The following CADPS2 variants were observed in gnomAD, a reference collection of about 807,000 sequenced individuals.
CADPS2 encodes the protein calcium dependent secretion activator 2, also known as calcium-dependent secretion activator 2.
In CADPS2, 93 loss-of-function variants were observed where a neutral mutation model predicts 172.5. That is an observed-to-expected ratio of 0.54 (90% confidence interval 0.46 to 0.64). The LOEUF (loss-of-function observed/expected upper bound fraction) is 0.64. Among genes scored for constraint, CADPS2 ranks in the 30% least tolerant of loss-of-function variants. The pLI, the probability that CADPS2 is intolerant of heterozygous loss-of-function variation, is 0.00. For missense variants in CADPS2, 1,420 were observed against 1,565.9 expected (o/e 0.91, Z 1.57); for synonymous variants, 546 against 555.2 (o/e 0.98, Z 0.23).
At chr7:122,352,452 T>C (rs1330576319) in intron 27 of CADPS2, among the ~76,000 whole-genome samples, 3 of 152,228 alleles carry the variant, frequency 2.0e-5, no homozygotes. Flanking sequence ...GGTGCTAGAA[T>C]TCCAGTGTCT....
intron 1 of CADPS2, among the ~76,000 whole-genome samples, chr7:122,758,010 T>C (rs1163568723): frequency 1.3e-5 from 2 of 152,164 alleles, no homozygotes; most frequent in African/African-American, 2.4e-5. Context: ...AAATGCTAAA[T>C]TTAAGTTTAA....
intron 3 of CADPS2, among the ~76,000 whole-genome samples, chr7:122,654,407 C>A (rs764755140): frequency 2.6e-4 from 40 of 152,214 alleles, no homozygotes; most frequent in Non-Finnish European, 5.0e-4. Flanking sequence ...AAAGGACAGG[C>A]TGACTCTCTT....
intron 24 of CADPS2, among the ~76,000 whole-genome samples, chr7:122,386,506 A>G (rs2043700119): frequency 6.6e-6 from 1 of 152,028 alleles, no homozygotes; most frequent in Non-Finnish European, 1.5e-5. Flanking sequence ...ATAAAATTGT[A>G]CTTCTGAATA....
At chr7:122,428,250 C>G (rs905866706) in intron 17 of CADPS2, among the ~76,000 whole-genome samples, 1 of 151,978 alleles carries the variant, frequency 6.6e-6, no homozygotes, top group Non-Finnish European at 1.5e-5. Context: ...AGCAATAGTA[C>G]GTAAAAATCA....
At chr7:122,774,269 TACACACACAC>T (rs56843003) in intron 1 of CADPS2, among the ~76,000 whole-genome samples, 282 of 143,026 alleles carry the variant, frequency 2.0e-3, no homozygotes, top group South Asian at 5.4e-3. Flanking sequence ...TAGATAGATA[TACACACACAC>T]ACACACACAC....
chr7:122,674,681 T>C (rs550044960), intron 2 of CADPS2, among the ~76,000 whole-genome samples: 4 of 152,334 alleles, frequency 2.6e-5, no homozygotes, highest in African/African-American at 9.6e-5. Context: ...GAACCATGCA[T>C]TACTTCTTTG....
At chr7:122,766,656 G>A (rs1370312325) in intron 1 of CADPS2, among the ~76,000 whole-genome samples, 5 of 152,108 alleles carry the variant, frequency 3.3e-5, no homozygotes, top group Admixed American at 2.6e-4. Context: ...CTAAGAAAAG[G>A]TGTAAGTGTG....
In CADPS2 at chr7:122,409,545, T is replaced by C. The variant is rs2047051545; in HGVS notation, c.2590-1849A>G. On this transcript the variant is annotated intron_variant, in intron 19 of 29. Coordinates refer to ENST00000449022, the MANE Select transcript of CADPS2 (RefSeq NM_017954.11). ...AAAATTTCATTGTTTTGCAGAAGTATATATTTATATCTCAAGTTGTACTCC... is the reference window on the plus strand; with the variant it reads ...AAAATTTCATTGTTTTGCAGAAGTACATATTTATATCTCAAGTTGTACTCC... The C allele has an allele frequency of 7.5e-6, 3 of 402,124 alleles. No individual in the cohort carries two copies. In the East Asian group the frequency reaches 2.3e-4, roughly 31 times the overall value. The allele number at this position is 402,124 out of a possible 1,614,324, so 24.9% of individuals were successfully genotyped here.
intron 1 of CADPS2, among the ~76,000 whole-genome samples, chr7:122,781,879 A>G (rs893783377): frequency 3.3e-5 from 5 of 152,186 alleles, no homozygotes; most frequent in African/African-American, 4.8e-5. Context: ...ACCACGGTGA[A>G]ATATGAAATA....
At chr7:122,580,390 T>C (rs2068640180) in intron 7 of CADPS2, among the ~76,000 whole-genome samples, 1 of 150,818 alleles carries the variant, frequency 6.6e-6, no homozygotes, top group Non-Finnish European at 1.5e-5. Flanking sequence ...AGGAGGTGGG[T>C]TGCAATGAGC....
At chr7:122,858,276 T>C (rs1386912929) in intron 1 of CADPS2, among the ~76,000 whole-genome samples, 2 of 152,208 alleles carry the variant, frequency 1.3e-5, no homozygotes, top group African/African-American at 4.8e-5. Context: ...CTCTCATTAA[T>C]GCTTCAGTGC....
At position 122,529,666 on chromosome 7, in the gene CADPS2, A is replaced by G. The variant is rs181607547; in HGVS notation, c.1476-16351T>C. Among the ~76,000 whole-genome samples, 250 of 152,226 alleles carry G rather than the reference A, an allele frequency of 1.6e-3. 1 individual carries two copies. The highest frequency in any genetic ancestry group is 2.7e-3 in the Non-Finnish European group (182 of 67,952). ...TCCTCCCTGTCTTTTGGATGGCACC[A>G]TCTAAACAGCAGAATTGAAAAGAAA... is the stretch of plus-strand genomic sequence containing the variant. On this transcript the variant is annotated intron_variant, in intron 8 of 29. Coordinates refer to ENST00000449022, the MANE Select transcript of CADPS2 (RefSeq NM_017954.11).
intron 2 of CADPS2, among the ~76,000 whole-genome samples, chr7:122,694,110 G>A (rs1564083261): frequency 6.6e-6 from 1 of 152,218 alleles, no homozygotes; most frequent in Non-Finnish European, 1.5e-5. Flanking sequence ...ATGATTCAGG[G>A]TAGGCAAATG....
intron 25 of CADPS2, among the ~76,000 whole-genome samples, chr7:122,367,074 C>T (rs892827070): frequency 6.6e-6 from 1 of 152,046 alleles, no homozygotes; most frequent in Non-Finnish European, 1.5e-5. Flanking sequence ...TATGCTATTC[C>T]TTTTGGGCAC....
At chr7:122,597,546 G>A (rs908303566) in intron 6 of CADPS2, among the ~76,000 whole-genome samples, 4 of 151,992 alleles carry the variant, frequency 2.6e-5, no homozygotes, top group African/African-American at 9.7e-5. Context: ...TACTCCACAC[G>A]AATAAAACAC....
chr7:122,530,542 T>C (rs1394433959), intron 8 of CADPS2, among the ~76,000 whole-genome samples: 2 of 152,142 alleles, frequency 1.3e-5, no homozygotes, highest in Non-Finnish European at 2.9e-5. Flanking sequence ...TTTTCTATAT[T>C]CTAAGTATTG....
At chr7:122,786,983 GGCAGGTAGTAGGCCTT>G (rs2139568076) in intron 1 of CADPS2, among the ~76,000 whole-genome samples, 1 of 152,246 alleles carries the variant, frequency 6.6e-6, no homozygotes, top group Non-Finnish European at 1.5e-5. Flanking sequence ...GAAAATGCCA[GGCAGGTAGTAGGCCTT>G]GCTCAAGATT....
intron 8 of CADPS2, among the ~76,000 whole-genome samples, chr7:122,534,662 G>C (rs1233411702): frequency 6.6e-6 from 1 of 152,032 alleles, no homozygotes; most frequent in Non-Finnish European, 1.5e-5. Context: ...CCACAGAAGA[G>C]ATAATTGATT....
At chr7:122,407,140 T>C (rs2151657361) in intron 20 of CADPS2, among the ~76,000 whole-genome samples, 1 of 152,354 alleles carries the variant, frequency 6.6e-6, no homozygotes, top group South Asian at 2.1e-4. Flanking sequence ...CGCAATGGAC[T>C]TAAGCAGGAG....
Sources: allele counts gnomAD v4.1 joint callset (sites outside exome capture counted in the v4.1 genomes callset), GRCh38; gene constraint gnomAD v4.1.1; transcripts MANE v1.5; gene names NCBI Gene and HGNC (gene_info 2026-07-23, HGNC 2026-07-21).